TG: variants seen among roughly 807,000 people sequenced by gnomAD.
TG encodes thyroid hormones.
Under a neutral mutation model 324.7 loss-of-function variants are expected in TG, and 270 were observed. The ratio of observed to expected loss-of-function variants is 0.83; its 90% CI spans 0.75 to 0.92. The LOEUF (loss-of-function observed/expected upper bound fraction) is 0.92, where lower values mean the gene tolerates loss of function less well. Ranked by LOEUF, TG falls within the 40% of genes least tolerant of loss-of-function variation. The probability of loss-of-function intolerance (pLI) is 0.00; values close to 1 mark genes in which losing one functional copy is unlikely to be tolerated. For missense variants in TG, 3,591 were observed against 3,456.4 expected (o/e 1.04, Z -0.98); for synonymous variants, 1,401 against 1,327.0 (o/e 1.06, Z -1.21).
At chr8:133,033,848 A>T (rs1376158398) in intron 41 of TG, among the ~76,000 whole-genome samples, 1 of 152,226 alleles carries the variant, frequency 6.6e-6, no homozygotes, top group Non-Finnish European at 1.5e-5. Flanking sequence ...CTTATTTTAC[A>T]TGCTTATTAT....
intron 35 of TG, among the ~76,000 whole-genome samples, chr8:132,998,067 A>G (rs917616997): frequency 5.9e-5 from 9 of 152,180 alleles, no homozygotes; most frequent in Non-Finnish European, 1.3e-4. Flanking sequence ...GGGGTAATTG[A>G]TAGATGGAGG....
chr8:132,891,549 G>A (rs1293373981), intron 10 of TG, among the ~76,000 whole-genome samples: 1 of 152,066 alleles, frequency 6.6e-6, no homozygotes, highest in Non-Finnish European at 1.5e-5. Flanking sequence ...TGTCCAGGCT[G>A]GTCTTGAACT....
At position 132,966,677 on chromosome 8, in the gene TG, C is replaced by A. The variant is rs561825173; in HGVS notation, c.5666C>A (p.Ala1889Glu). 1 of 1,614,128 alleles carries A rather than the reference C, an allele frequency of 6.2e-7. No homozygotes were observed. The highest frequency in any genetic ancestry group is 2.2e-5 in the East Asian group (1 of 44,880). Residue 1889 changes from alanine to glutamate, a missense_variant, in exon 30 of 48, where the codon GCA (alanine) becomes GAA (glutamate). Ala to Glu is a moderately radical substitution (Grantham distance 107). Transcript: ENST00000220616. ...LFKHLFSAQQ[A>E]NLWCLSRCVQ... ...AAGCACCTGTTTTCAGCCCAGCAGG[C>A]AAACCTATGGTGCCTTTCTCGTAAG...
chr8:133,129,771 A>G (rs1329928777), intron 45 of TG, among the ~76,000 whole-genome samples: 1 of 152,220 alleles, frequency 6.6e-6, no homozygotes, highest in Non-Finnish European at 1.5e-5. Flanking sequence ...TCCTGGGATT[A>G]TAGCCATGAG....
In TG at chr8:133,045,070, C is replaced by A. The variant is rs745463507; in HGVS notation, c.7239+15047C>A. On this transcript the variant is annotated intron_variant, in intron 41 of 47. Transcript: ENST00000220616. ...CCAGTTGTTGGGCAGACGGAAAATG[C>A]GGTAATGCTTTACCTGCCTGTGTCT... The A allele has an allele frequency of 4.3e-6, 7 of 1,613,968 alleles. No homozygotes were observed. In the South Asian group the frequency reaches 4.4e-5, roughly 10 times the overall value.
intron 10 of TG, among the ~76,000 whole-genome samples, chr8:132,891,234 G>A (rs1278058317): frequency 6.6e-6 from 1 of 152,156 alleles, no homozygotes; most frequent in African/African-American, 2.4e-5. Context: ...AGCATGCACT[G>A]AGTCAATGAA....
intron 44 of TG, 58 bp downstream of exon 44, chr8:133,113,661 G>C: frequency 6.3e-7 from 1 of 1,582,944 alleles, no homozygotes; most frequent in Admixed American, 1.8e-5. Flanking sequence ...AGCAGACTCA[G>C]TTGGTGTTCA....
intron 41 of TG, among the ~76,000 whole-genome samples, chr8:133,041,252 T>G (rs1256101651): frequency 6.6e-6 from 1 of 152,204 alleles, no homozygotes; most frequent in Non-Finnish European, 1.5e-5. Flanking sequence ...ACGTCACACC[T>G]CTGACAGGCC....
chr8:133,075,852 C>T (rs1588007251), intron 41 of TG, among the ~76,000 whole-genome samples: 1 of 151,876 alleles, frequency 6.6e-6, no homozygotes, highest in Admixed American at 6.6e-5. Context: ...CTTGGTGAGC[C>T]TAGGTGAAGG....
intron 11 of TG, among the ~76,000 whole-genome samples, chr8:132,896,893 C>G (rs1817194910): frequency 6.6e-6 from 1 of 152,124 alleles, no homozygotes; most frequent in East Asian, 1.9e-4. Context: ...ATGTGCAAAG[C>G]CCAGTGGGTC....
chr8:132,937,712 C>T (rs910535358), intron 25 of TG, among the ~76,000 whole-genome samples: 5 of 152,078 alleles, frequency 3.3e-5, no homozygotes, highest in African/African-American at 1.2e-4. Context: ...TCATGACTTA[C>T]CCTTTTATGA....
At chr8:133,075,723 T>C (rs1416953007) in intron 41 of TG, among the ~76,000 whole-genome samples, 3 of 152,090 alleles carry the variant, frequency 2.0e-5, no homozygotes, top group East Asian at 3.9e-4. Context: ...GTTTCTGCCA[T>C]AGAAGTAATG....
rs780351128 is a variant in TG at position 132,972,704 on chromosome 8, A to G, written c.6162A>G (p.Glu2054=). Residue 2054 remains glutamate (E), a synonymous_variant, in exon 34 of 48, where the codon GAA becomes GAG. Transcript: ENST00000220616. ...RILDCGSPDI[E]VHTYPFGWYQ... The stretch of plus-strand genomic sequence containing the variant: ...TGGACTGTGGCTCTCCTGACATTGA[A>G]GTCCACACCTATCCCTTCGGATGGT... 2.2e-5 allele frequency: 35 copies of G among 1,613,940 alleles called. No homozygotes were observed. The South Asian group carries it at 3.5e-4, about 16-fold the overall frequency.
intron 25 of TG, among the ~76,000 whole-genome samples, chr8:132,941,137 T>C (rs1024249468): frequency 2.0e-5 from 3 of 152,238 alleles, no homozygotes; most frequent in Non-Finnish European, 4.4e-5. Context: ...CCCGATCTCC[T>C]GGGTTTGGGG....
At chr8:132,981,940 G>A (rs1052525135) in intron 34 of TG, among the ~76,000 whole-genome samples, 1 of 152,208 alleles carries the variant, frequency 6.6e-6, no homozygotes, top group Non-Finnish European at 1.5e-5. Context: ...GGAGGTGGAT[G>A]TGAGGCGACC....
rs776386100 is a variant in TG, at chr8:132,886,442, A to G, written c.1076-6A>G. The stretch of plus-strand genomic sequence containing the variant: ...CTTTTCTCCCATTTCACTTTGTCTC[A>G]TGCAGCTGAAGGCCAATCTTGTGCC... On this transcript the variant is annotated splice_region_variant and splice_polypyrimidine_tract_variant and intron_variant, in intron 8 of 47. Coordinates refer to ENST00000220616, the MANE Select transcript of TG (RefSeq NM_003235.5). The G allele has an allele frequency of 4.3e-6, 7 of 1,614,028 alleles. No homozygotes were observed. The South Asian group carries it at 6.6e-5, about 15-fold the overall frequency.
At chr8:132,967,755 C>T (rs1828846012) in intron 30 of TG, 39 bp from the exon 31 acceptor site, 1 of 1,610,848 alleles carries the variant, frequency 6.2e-7, no homozygotes, top group Non-Finnish European at 8.5e-7. Context: ...CCCTGTAGAC[C>T]CCACAAAAAC....
chr8:132,945,434 G>A (rs554607925), intron 26 of TG, among the ~76,000 whole-genome samples: 1 of 152,288 alleles, frequency 6.6e-6, no homozygotes, highest in African/African-American at 2.4e-5. Context: ...TTGGCGATGG[G>A]AGAGGGAGAT....
chr8:132,871,233 C>G, intron 3 of TG, 115 bp from the exon 4 acceptor site: 2 of 1,053,588 alleles, frequency 1.9e-6, no homozygotes, highest in African/African-American at 1.6e-5. Context: ...TGTCCTTGGG[C>G]GGGTCATTCC....
Sources: allele counts gnomAD v4.1 joint callset (sites outside exome capture counted in the v4.1 genomes callset), GRCh38; gene constraint gnomAD v4.1.1; transcripts MANE v1.5; gene names NCBI Gene and HGNC (gene_info 2026-07-23, HGNC 2026-07-21).